Variants in UGT8 observed in about 807,000 individuals in gnomAD.
UGT8 encodes the protein UDP glycosyltransferase 8, also known as 2-hydroxyacylsphingosine 1-beta-galactosyltransferase.
In UGT8, 12 loss-of-function variants were observed where a neutral mutation model predicts 40.5. That is an observed-to-expected ratio of 0.30 (90% confidence interval 0.19 to 0.48). UGT8 has a LOEUF of 0.48. Among genes scored for constraint, UGT8 ranks in the 20% least tolerant of loss-of-function variants. The probability of loss-of-function intolerance (pLI) is 0.99; values close to 1 mark genes in which losing one functional copy is unlikely to be tolerated. For synonymous variants in UGT8, 224 were observed against 240.4 expected (o/e 0.93, Z 0.63); for missense variants, 513 against 648.7 (o/e 0.79, Z 2.27).
At chr4:114,621,294 GATCCAT>G (rs1441967113) in intron 1 of UGT8, among the ~76,000 whole-genome samples, 5 of 152,088 alleles carry the variant, frequency 3.3e-5, no homozygotes, top group Non-Finnish European at 7.4e-5. Flanking sequence ...TATTTACTGA[GATCCAT>G]TAACCCTCTT....
Position 114,663,981 on chromosome 4 carries a change from G to A in UGT8, c.823-14G>A. 1 of 1,613,212 alleles carries A rather than the reference G, an allele frequency of 6.2e-7. No individual in the cohort carries two copies. Among genetic ancestry groups the A allele is most frequent in the Non-Finnish European group, 8.5e-7 (1 of 1,179,498 alleles). The stretch of plus-strand genomic sequence containing the variant: ...TGGTCTTCGTAAAACTTACTGCCAT[G>A]TTTTGATTTACAGGATCTCCAAAGA... On this transcript the variant is annotated splice_polypyrimidine_tract_variant and intron_variant, in intron 2 of 5. Transcript: ENST00000310836.
rs770249686 is a variant in UGT8 at position 114,625,444 on chromosome 4, G to A, written c.822+1742G>A. Among the ~76,000 whole-genome samples the A allele has an allele frequency of 1.9e-4, 28 of 148,946 alleles. No individual in the cohort carries two copies. The Middle Eastern group carries it at 0.011, about 58-fold the overall frequency. ...GAGGATCACTTGAGTTCAGGAGGTC[G>A]AGGCCGCAGTGAGCTGAGATCACAC... On this transcript the variant is annotated intron_variant, in intron 2 of 5. Transcript: ENST00000310836.
At chr4:114,651,766 T>C (rs559112116) in intron 2 of UGT8, among the ~76,000 whole-genome samples, 40 of 152,262 alleles carry the variant, frequency 2.6e-4, no homozygotes, top group South Asian at 6.2e-4. Flanking sequence ...AGTGTAACTT[T>C]ATCCTAAATT....
chr4:114,611,403 C>CATATATATATATAT (rs60533468), intron 1 of UGT8, among the ~76,000 whole-genome samples: 3 of 106,294 alleles, frequency 2.8e-5, no homozygotes, highest in African/African-American at 4.5e-5. Flanking sequence ...CATATATATC[C>CATATATATATATAT]ATATATATAT....
chr4:114,599,153 G>A lies in UGT8; in HGVS notation c.-3+179G>A, dbSNP rs553786234. On this transcript the variant is annotated intron_variant, in intron 1 of 5. Transcript: ENST00000310836. ...GCTGAGGAAGTTAGAAGTGGTTAGT[G>A]GGGGTTGGCGGGGTAGGGAGAAAGG... Among the ~76,000 whole-genome samples, 7 of 152,182 alleles carry A rather than the reference G, an allele frequency of 4.6e-5. No individual in the cohort carries two copies. The South Asian group carries it at 1.2e-3, about 27-fold the overall frequency.
chr4:114,663,815 G>T, intron 2 of UGT8, 180 bp from the exon 3 acceptor site: 1 of 985,048 alleles, frequency 1.0e-6, no homozygotes, highest in Non-Finnish European at 1.2e-6. Context: ...ATTTCAGTTA[G>T]CATTATCAGA....
chr4:114,643,561 A>G (rs1407826962), intron 2 of UGT8, among the ~76,000 whole-genome samples: 3 of 152,212 alleles, frequency 2.0e-5, no homozygotes, highest in Admixed American at 6.5e-5. Context: ...TTCACAAACA[A>G]AAGATAAATC....
In UGT8 at chr4:114,607,449, C is replaced by A. The variant is rs933344660; in HGVS notation, c.-3+8475C>A. Reference sequence around the variant, plus strand: ...CTTTCTCATCTGTAATGGTAACTCCCCATCTGATCTTTGGTTGTGCCTCTT... The same window carrying A: ...CTTTCTCATCTGTAATGGTAACTCCACATCTGATCTTTGGTTGTGCCTCTT... On this transcript the variant is annotated intron_variant, in intron 1 of 5. Transcript: ENST00000310836. 5.3e-5 allele frequency among the ~76,000 whole-genome samples: 8 copies of A among 152,200 alleles called. No individual in the cohort carries two copies. In the East Asian group the frequency reaches 1.4e-3, roughly 26 times the overall value.
intron 5 of UGT8, among the ~76,000 whole-genome samples, chr4:114,673,725 A>G (rs1040722623): frequency 6.6e-6 from 1 of 152,020 alleles, no homozygotes; most frequent in Non-Finnish European, 1.5e-5. Flanking sequence ...ATTGGATTTT[A>G]TTTTCTAAGA....
At chr4:114,643,770 A>AT (rs574429107) in intron 2 of UGT8, among the ~76,000 whole-genome samples, 47 of 147,786 alleles carry the variant, frequency 3.2e-4, no homozygotes, top group Non-Finnish European at 5.6e-4. Flanking sequence ...TAACATAGGC[A>AT]TTTTTTTTTT....
At chr4:114,609,765 T>C (rs1238800766) in intron 1 of UGT8, among the ~76,000 whole-genome samples, 2 of 152,150 alleles carry the variant, frequency 1.3e-5, no homozygotes, top group African/African-American at 4.8e-5. Flanking sequence ...TAGCTTATTT[T>C]GATACTACTT....
intron 2 of UGT8, among the ~76,000 whole-genome samples, chr4:114,631,367 G>C (rs1166707118): frequency 1.3e-5 from 2 of 152,070 alleles, no homozygotes; most frequent in Non-Finnish European, 2.9e-5. Flanking sequence ...CATGCCTATA[G>C]TGCCAGCTAC....
At chr4:114,657,072 CGTAGTGATTTTTTTTTTCT>C (rs1734237671) in intron 2 of UGT8, among the ~76,000 whole-genome samples, 1 of 151,662 alleles carries the variant, frequency 6.6e-6, no homozygotes, top group African/African-American at 2.4e-5. Context: ...ATATCATTTC[CGTAGTGATTTTTTTTTTCT>C]GGTGAGAGTT....
At chr4:114,649,476 A>T (rs1033068468) in intron 2 of UGT8, among the ~76,000 whole-genome samples, 3 of 152,220 alleles carry the variant, frequency 2.0e-5, no homozygotes, top group African/African-American at 7.2e-5. Context: ...GGAAGTTCTG[A>T]GATAAGCAGT....
chr4:114,632,170 T>C (rs954967537), intron 2 of UGT8, among the ~76,000 whole-genome samples: 1 of 152,206 alleles, frequency 6.6e-6, no homozygotes, highest in Non-Finnish European at 1.5e-5. Flanking sequence ...TAGGAGAAGA[T>C]TCAAGAATTC....
At chr4:114,648,721 T>G (rs569459620) in intron 2 of UGT8, among the ~76,000 whole-genome samples, 11 of 152,326 alleles carry the variant, frequency 7.2e-5, no homozygotes, top group African/African-American at 2.6e-4. Context: ...GATTTCTTTA[T>G]GTATATCATT....
chr4:114,614,411 C>T (rs992105588), intron 1 of UGT8, among the ~76,000 whole-genome samples: 3 of 152,016 alleles, frequency 2.0e-5, no homozygotes, highest in African/African-American at 7.3e-5. Flanking sequence ...TTCTATTAAT[C>T]TTATTTTTCA....
At chr4:114,649,461 A>G (rs1454145259) in intron 2 of UGT8, among the ~76,000 whole-genome samples, 9 of 152,224 alleles carry the variant, frequency 5.9e-5, no homozygotes, top group Admixed American at 3.3e-4. Context: ...TTTGTGTCAC[A>G]TAAAGGAAGT....
At chr4:114,631,893 C>G (rs971366270) in intron 2 of UGT8, among the ~76,000 whole-genome samples, 27 of 152,256 alleles carry the variant, frequency 1.8e-4, no homozygotes, top group Admixed American at 1.5e-3. Flanking sequence ...TAGAAAAGCC[C>G]TGGATTACAC....
Sources: gnomAD v4.1 joint callset for allele counts (sites outside exome capture counted in the v4.1 genomes callset) on GRCh38, gnomAD v4.1.1 for gene constraint, MANE v1.5 for transcripts, NCBI Gene and HGNC (gene_info 2026-07-23, HGNC 2026-07-21) for gene names.